The following EVI5 variants were observed in gnomAD, a reference collection of about 807,000 sequenced individuals.
The protein encoded by EVI5 is ecotropic viral integration site 5, also known as ecotropic viral integration site 5 protein homolog.
Under a neutral mutation model 112.0 loss-of-function variants are expected in EVI5, and 73 were observed. The ratio of observed to expected loss-of-function variants is 0.65; its 90% CI spans 0.54 to 0.79. The LOEUF (loss-of-function observed/expected upper bound fraction) is 0.79, where lower values mean the gene tolerates loss of function less well. Ranked by LOEUF, EVI5 falls within the 30% of genes least tolerant of loss-of-function variation. The probability of loss-of-function intolerance (pLI) is 0.00; values close to 1 mark genes in which losing one functional copy is unlikely to be tolerated. For missense variants in EVI5, 900 were observed against 968.8 expected (o/e 0.93, Z 0.94); for synonymous variants, 305 against 319.9 (o/e 0.95, Z 0.50).
intron 19 of EVI5, among the ~76,000 whole-genome samples, chr1:92,538,887 T>A (rs1571389389): frequency 6.6e-6 from 1 of 152,068 alleles, no homozygotes; most frequent in Non-Finnish European, 1.5e-5. Context: ...TGGATATAGG[T>A]CTCAAAATGA....
chr1:92,743,552 CAG>C (rs1003814543), intron 1 of EVI5, among the ~76,000 whole-genome samples: 10 of 151,878 alleles, frequency 6.6e-5, no homozygotes, highest in African/African-American at 9.7e-5. Context: ...TTAGTGGCCA[CAG>C]AGTTTCTTTG....
chr1:92,510,859 G>A lies in EVI5; in HGVS notation c.*2797C>T, dbSNP rs1659145496. 1 of 152,234 alleles carries A rather than the reference G, an allele frequency of 6.6e-6. No individual in the cohort carries two copies. Among genetic ancestry groups the A allele is most frequent in the South Asian group, 2.1e-4 (1 of 4,836 alleles). 9.4% of individuals were successfully genotyped at this position (152,234 alleles called of 1,614,324 possible). A position where few individuals can be genotyped will look rare whatever the true frequency, so the allele number is the denominator to read the frequency against. On this transcript the variant is annotated 3_prime_UTR_variant, in exon 20 of 20. Transcript: ENST00000684568. ...TAAAAACTGGCAGCTGACTGCAATA[G>A]CTTGTAGGCTGCACTTTGCTGACCC...
At chr1:92,595,326 A>C (rs1423633353) in intron 18 of EVI5, among the ~76,000 whole-genome samples, 1 of 151,464 alleles carries the variant, frequency 6.6e-6, no homozygotes, top group Non-Finnish European at 1.5e-5. Flanking sequence ...CAAAAAAACA[A>C]ACACCGCATG....
intron 18 of EVI5, among the ~76,000 whole-genome samples, chr1:92,577,804 A>G (rs1671311240): frequency 6.6e-6 from 1 of 152,232 alleles, no homozygotes; most frequent in East Asian, 1.9e-4. Context: ...TCTGTAGCTG[A>G]AGAAAATGTG....
chr1:92,740,040 C>T (rs1678114973), intron 1 of EVI5, among the ~76,000 whole-genome samples: 1 of 151,314 alleles, frequency 6.6e-6, no homozygotes, highest in Admixed American at 6.6e-5. Context: ...CAGCTATATA[C>T]AGATGTCACA....
At chr1:92,530,175 G>A (rs531952671) in intron 19 of EVI5, among the ~76,000 whole-genome samples, 2 of 152,188 alleles carry the variant, frequency 1.3e-5, no homozygotes, top group Admixed American at 6.5e-5. Flanking sequence ...CTGAACAGAC[G>A]GTAGGATTCT....
At chr1:92,607,765 C>A in intron 16 of EVI5, 38 bp from the exon 17 acceptor site, 1 of 1,459,924 alleles carries the variant, frequency 6.8e-7, no homozygotes. Flanking sequence ...ACTATAGATA[C>A]AAGACCTAAA....
intron 2 of EVI5, among the ~76,000 whole-genome samples, chr1:92,735,994 T>C (rs1677370327): frequency 6.6e-6 from 1 of 151,268 alleles, no homozygotes; most frequent in East Asian, 1.9e-4. Flanking sequence ...GAGAAAAGGA[T>C]ATTTTGCTTT....
Position 92,662,752 on chromosome 1 carries a change from A to G in EVI5, c.1359T>C (p.Asn453=), listed in dbSNP as rs1277208404. The change falls in exon 13 of 20, where the codon AAT becomes AAC. Residue 453 remains asparagine (N), a synonymous_variant. Transcript: ENST00000684568. ...GTTGGTGCTGGAGCTTCCTGATGGT[A>G]TTTTCAGCTTGCTCCAGCTTAGCAC... ...EASAKLEQAE[N]TIRKLQHQQQ... is the part of the protein sequence containing the mutation. The G allele has an allele frequency of 7.8e-7, 1 of 1,285,770 alleles. No homozygotes were observed. Among genetic ancestry groups the G allele is most frequent in the Non-Finnish European group, 1.0e-6 (1 of 987,404 alleles). The allele number at this position is 1,285,770 out of a possible 1,614,324, so 79.6% of individuals were successfully genotyped here.
chr1:92,684,098 T>A (rs1027578781), intron 9 of EVI5, among the ~76,000 whole-genome samples: 1 of 151,928 alleles, frequency 6.6e-6, no homozygotes, highest in African/African-American at 2.4e-5. Flanking sequence ...GACACATAAA[T>A]GTCAGATTCA....
chr1:92,590,146 A>G (rs1673560300), intron 18 of EVI5, among the ~76,000 whole-genome samples: 1 of 152,256 alleles, frequency 6.6e-6, no homozygotes, highest in Non-Finnish European at 1.5e-5. Context: ...AAACGTAGAT[A>G]AAACCACAAA....
intron 13 of EVI5, among the ~76,000 whole-genome samples, chr1:92,651,506 G>A (rs532400583): frequency 1.2e-4 from 18 of 152,304 alleles, no homozygotes; most frequent in African/African-American, 4.3e-4. Flanking sequence ...TACTAGGATA[G>A]CTATTACTTA....
At chr1:92,537,399 TAAC>T (rs1372192265) in intron 19 of EVI5, among the ~76,000 whole-genome samples, 4 of 152,196 alleles carry the variant, frequency 2.6e-5, no homozygotes, top group African/African-American at 9.6e-5. Context: ...CAATTTTAAA[TAAC>T]AATGTATTTT....
chr1:92,684,070 C>T (rs546365585), intron 9 of EVI5, among the ~76,000 whole-genome samples: 5 of 152,058 alleles, frequency 3.3e-5, no homozygotes, highest in Non-Finnish European at 7.4e-5. Flanking sequence ...AGATACTCCT[C>T]GAGAAGAGCA....
intron 9 of EVI5, among the ~76,000 whole-genome samples, chr1:92,681,483 T>C (rs1242380787): frequency 6.6e-6 from 1 of 152,102 alleles, no homozygotes; most frequent in Non-Finnish European, 1.5e-5. Context: ...CAAAAAAAAG[T>C]CAAAGGCTAA....
chr1:92,558,894 C>G (rs1008034900), intron 19 of EVI5, among the ~76,000 whole-genome samples: 49 of 150,574 alleles, frequency 3.3e-4, no homozygotes, highest in African/African-American at 1.1e-3. Context: ...ACAACACCAA[C>G]CAAAAAAACC....
intron 18 of EVI5, among the ~76,000 whole-genome samples, chr1:92,576,556 T>TA (rs1210567772): frequency 6.6e-6 from 1 of 151,864 alleles, no homozygotes; most frequent in East Asian, 1.9e-4. Flanking sequence ...AGGGGTAGAG[T>TA]AAAAAGGTCA....
chr1:92,677,086 A>T (rs1666870183), intron 10 of EVI5, 72 bp downstream of exon 10: 1 of 921,876 alleles, frequency 1.1e-6, no homozygotes, highest in Non-Finnish European at 1.7e-6. Context: ...TAAGAAGTAC[A>T]AACTTTAAAC....
chr1:92,704,625 G>A lies in EVI5; in HGVS notation c.269C>T (p.Ser90Phe), dbSNP rs746848164. 2 of 1,602,052 alleles carry A rather than the reference G, an allele frequency of 1.2e-6. No homozygotes were observed. The highest frequency in any genetic ancestry group is 1.7e-4 in the Middle Eastern group (1 of 6,024). ...AACAATTCTTCCCCAAAGAATCCAA[G>A]AATCTTCTTCAAGGTGACTGAGGTT... ...SSNLSHLEEDSWILWGRIVNE... is the reference protein window; with the variant it reads ...SSNLSHLEEDFWILWGRIVNE... The change falls in exon 3 of 20, where the codon TCT (serine) becomes TTT (phenylalanine). Residue 90 changes from serine to phenylalanine, a missense_variant. By Grantham distance (155) the Ser-to-Phe change is radical (BLOSUM62 -2). Transcript: ENST00000684568.
Sources: allele counts gnomAD v4.1 joint callset (sites outside exome capture counted in the v4.1 genomes callset), GRCh38; gene constraint gnomAD v4.1.1; transcripts MANE v1.5; gene names NCBI Gene and HGNC (gene_info 2026-07-23, HGNC 2026-07-21).